Variants in ERBB4 observed in about 807,000 individuals in gnomAD.
ERBB4 encodes erb-b2 receptor tyrosine kinase 4.
Under a neutral mutation model 158.0 loss-of-function variants are expected in ERBB4, and 42 were observed. The ratio of observed to expected loss-of-function variants is 0.27; its 90% CI spans 0.21 to 0.34. The LOEUF (loss-of-function observed/expected upper bound fraction) is 0.34, where lower values mean the gene tolerates loss of function less well. Among genes scored for constraint, ERBB4 ranks in the 10% least tolerant of loss-of-function variants. ERBB4 has a pLI of 1.00. For synonymous variants in ERBB4, 583 were observed against 558.7 expected, an observed-to-expected ratio of 1.04 and a Z score of -0.61; for missense variants, 1,333 against 1,624.1, an observed-to-expected ratio of 0.82 and a Z score of 3.08.
chr2:212,340,209 T>C (rs987244937), intron 1 of ERBB4, among the ~76,000 whole-genome samples: 1 of 152,036 alleles, frequency 6.6e-6, no homozygotes, highest in African/African-American at 2.4e-5. Flanking sequence ...TCCAAATTCA[T>C]ATTCCAAATA....
chr2:211,399,848 G>A (rs569463935), intron 25 of ERBB4, among the ~76,000 whole-genome samples: 1 of 152,166 alleles, frequency 6.6e-6, no homozygotes, highest in South Asian at 2.1e-4. Flanking sequence ...AGAACAATAA[G>A]ACAGACCTTG....
intron 3 of ERBB4, among the ~76,000 whole-genome samples, chr2:211,848,773 A>T (rs1054507716): frequency 1.3e-5 from 2 of 152,172 alleles, no homozygotes; most frequent in Middle Eastern, 3.4e-3. Flanking sequence ...CTCTTTCTAG[A>T]GATTTCAAAT....
chr2:212,240,089 C>A (rs955178072), intron 1 of ERBB4, among the ~76,000 whole-genome samples: 1 of 152,108 alleles, frequency 6.6e-6, no homozygotes. Context: ...TACTGATACT[C>A]GTAGCAAATT....
At chr2:212,339,607 A>T (rs1028942175) in intron 1 of ERBB4, among the ~76,000 whole-genome samples, 1 of 152,282 alleles carries the variant, frequency 6.6e-6, no homozygotes, top group South Asian at 2.1e-4. Context: ...AGGTCAGAGA[A>T]TTTTCCCTCT....
chr2:211,401,733 GC>G (rs144201308), intron 25 of ERBB4, among the ~76,000 whole-genome samples: 326 of 152,096 alleles, frequency 2.1e-3, no homozygotes, highest in African/African-American at 7.2e-3. Flanking sequence ...AAAGAAAGCA[GC>G]CAGGTTACAG....
chr2:211,861,125 TATA>T (rs2078027674), intron 3 of ERBB4, among the ~76,000 whole-genome samples: 1 of 7,668 alleles, frequency 1.3e-4, no homozygotes, highest in African/African-American at 6.0e-4. Flanking sequence ...ATATATATTT[TATA>T]TATATATATA....
At chr2:212,258,845 G>T (rs531526520) in intron 1 of ERBB4, among the ~76,000 whole-genome samples, 194 of 151,960 alleles carry the variant, frequency 1.3e-3, no homozygotes, top group African/African-American at 4.5e-3. Context: ...AAAAGCTTTT[G>T]TATCTTCCAT....
intron 1 of ERBB4, among the ~76,000 whole-genome samples, chr2:212,496,701 G>A (rs1690592901): frequency 6.6e-6 from 1 of 152,062 alleles, no homozygotes; most frequent in African/African-American, 2.4e-5. Flanking sequence ...TAGAAAATTT[G>A]TCAGTCTCCG....
intron 1 of ERBB4, among the ~76,000 whole-genome samples, chr2:212,482,659 C>T (rs969019250): frequency 6.6e-6 from 1 of 152,174 alleles, no homozygotes; most frequent in Non-Finnish European, 1.5e-5. Context: ...GCTCTGTTGC[C>T]AGGCTGGAGT....
At chr2:211,410,204 A>G (rs965844107) in intron 25 of ERBB4, among the ~76,000 whole-genome samples, 7 of 152,206 alleles carry the variant, frequency 4.6e-5, no homozygotes, top group African/African-American at 1.7e-4. Flanking sequence ...GGGACTTTAT[A>G]CGCAATGAAT....
intron 20 of ERBB4, among the ~76,000 whole-genome samples, chr2:211,553,763 G>T (rs1042062029): frequency 6.6e-6 from 1 of 152,128 alleles, no homozygotes; most frequent in African/African-American, 2.4e-5. Flanking sequence ...ATAGAGATGA[G>T]ATTTGAACCC....
chr2:211,422,018 G>A lies in ERBB4; in HGVS notation c.2953C>T (p.Leu985=), dbSNP rs752607796. The part of the protein sequence containing the change: ...SRMARDPQRY[L]VIQGDDRMKL... ...TCAAATGTACTCACCTGAATAACTA[G>A]GTATCTTTGAGGGTCTCGAGCCATC... Residue 985 remains leucine (L), a synonymous_variant, in exon 24 of 28, where the codon CTA becomes TTA. Transcript: ENST00000342788. 1 of 1,605,148 alleles carries A rather than the reference G, an allele frequency of 6.2e-7. No individual in the cohort carries two copies. Among genetic ancestry groups the A allele is most frequent in the Non-Finnish European group, 8.5e-7 (1 of 1,172,150 alleles).
chr2:212,036,198 C>G (rs2077007747), intron 2 of ERBB4, among the ~76,000 whole-genome samples: 1 of 152,040 alleles, frequency 6.6e-6, no homozygotes, highest in African/African-American at 2.4e-5. Context: ...GCCTACTGAT[C>G]CCAACAGTTC....
intron 1 of ERBB4, among the ~76,000 whole-genome samples, chr2:212,178,836 T>C (rs2081762503): frequency 6.6e-6 from 1 of 151,436 alleles, no homozygotes; most frequent in Non-Finnish European, 1.5e-5. Flanking sequence ...TAAAAATACA[T>C]AAAAAATCCT....
intron 20 of ERBB4, among the ~76,000 whole-genome samples, chr2:211,533,756 G>T (rs566328113): frequency 6.6e-6 from 1 of 152,028 alleles, no homozygotes; most frequent in Non-Finnish European, 1.5e-5. Context: ...GGGGCTATTT[G>T]CAGTGCATGA....
At chr2:212,516,632 C>T (rs1691859946) in intron 1 of ERBB4, among the ~76,000 whole-genome samples, 1 of 152,096 alleles carries the variant, frequency 6.6e-6, no homozygotes, top group African/African-American at 2.4e-5. Context: ...AAATAATCTG[C>T]AACCTCATTA....
At chr2:212,024,261 C>T (rs1312787810) in intron 2 of ERBB4, among the ~76,000 whole-genome samples, 1 of 151,840 alleles carries the variant, frequency 6.6e-6, no homozygotes, top group Non-Finnish European at 1.5e-5. Flanking sequence ...ACCTCTGTCC[C>T]CCTTCTTGCT....
chr2:211,638,673 A>G (rs2070452215), intron 16 of ERBB4, among the ~76,000 whole-genome samples: 2 of 152,144 alleles, frequency 1.3e-5, no homozygotes, highest in Non-Finnish European at 2.9e-5. Context: ...GTTAAAATCA[A>G]TCTTTTTTTC....
chr2:211,895,449 G>T (rs142687314), intron 3 of ERBB4, among the ~76,000 whole-genome samples: 154 of 152,130 alleles, frequency 1.0e-3, no homozygotes, highest in African/African-American at 3.6e-3. Context: ...AAGAGATGGG[G>T]TTCTCACTTT....
Sources: gnomAD v4.1 joint callset for allele counts (sites outside exome capture counted in the v4.1 genomes callset) on GRCh38, gnomAD v4.1.1 for gene constraint, MANE v1.5 for transcripts, NCBI Gene and HGNC (gene_info 2026-07-23, HGNC 2026-07-21) for gene names.